Variants in ERG observed in about 807,000 individuals in gnomAD.
The protein encoded by ERG is transcriptional regulator ERG.
ERG carries 9 observed loss-of-function variants against 55.3 expected under a neutral mutation model. That is an observed-to-expected ratio of 0.16 (90% CI 0.10 to 0.28). The LOEUF (loss-of-function observed/expected upper bound fraction) is 0.28. ERG is among the 10% of genes least tolerant of loss of function. The pLI, the probability that ERG is intolerant of heterozygous loss-of-function variation, is 1.00. For synonymous variants in ERG, 223 were observed against 237.3 expected (o/e 0.94, Z 0.55); for missense variants, 434 against 631.6 (o/e 0.69, Z 3.35).
intron 3 of ERG, among the ~76,000 whole-genome samples, chr21:38,409,725 G>T (rs1303920154): frequency 2.6e-5 from 4 of 152,192 alleles, no homozygotes; most frequent in Non-Finnish European, 5.9e-5. Context: ...GAGAAATTTG[G>T]TGTGGCTGCA....
At chr21:38,431,337 GTTAACAGTTT>G (rs1990199804) in intron 2 of ERG, among the ~76,000 whole-genome samples, 1 of 152,160 alleles carries the variant, frequency 6.6e-6, no homozygotes, top group Non-Finnish European at 1.5e-5. Flanking sequence ...GTTTAGCTTC[GTTAACAGTTT>G]TTTAGGGAGG....
At chr21:38,418,949 A>G (rs1190023810) in intron 3 of ERG, among the ~76,000 whole-genome samples, 2 of 131,152 alleles carry the variant, frequency 1.5e-5, no homozygotes, top group Admixed American at 7.5e-5. Flanking sequence ...AAAAAAAAAA[A>G]AGAAAGAAAG....
In ERG at chr21:38,380,431, AT is replaced by A; in HGVS notation, c.*2971del. On this transcript the variant is annotated 3_prime_UTR_variant, in exon 10 of 10. Transcript: ENST00000288319. Reference sequence around the variant, plus strand: ...GAACAAAAACACAGTCTTGACTGTGATTTGGTGATTTTACCACATACAAGGC... The same window carrying A: ...GAACAAAAACACAGTCTTGACTGTGATTGGTGATTTTACCACATACAAGGC... 1 of 1,063,710 alleles carries A rather than the reference AT, an allele frequency of 9.4e-7. No homozygotes were observed. Among genetic ancestry groups the A allele is most frequent in the Non-Finnish European group, 1.1e-6 (1 of 878,278 alleles). 65.9% of individuals were successfully genotyped at this position (1,063,710 alleles called of 1,614,324 possible).
intron 1 of ERG, among the ~76,000 whole-genome samples, chr21:38,625,994 C>T (rs2060322457): frequency 6.9e-6 from 1 of 144,166 alleles, no homozygotes; most frequent in Non-Finnish European, 1.5e-5. Context: ...GTGATCTCGG[C>T]TCACTACAAC....
At chr21:38,580,487 T>A (rs2060022146) in intron 1 of ERG, among the ~76,000 whole-genome samples, 1 of 152,252 alleles carries the variant, frequency 6.6e-6, no homozygotes, top group African/African-American at 2.4e-5. Context: ...TACCTGCCTT[T>A]GAACCCTTGC....
chr21:38,616,134 TCA>T (rs896807665), intron 1 of ERG, among the ~76,000 whole-genome samples: 11 of 152,138 alleles, frequency 7.2e-5, no homozygotes, highest in Non-Finnish European at 1.6e-4. Flanking sequence ...AGTTCCTCCT[TCA>T]CACACTCTCC....
At chr21:38,604,813 A>C (rs1319677524) in intron 1 of ERG, among the ~76,000 whole-genome samples, 1 of 152,236 alleles carries the variant, frequency 6.6e-6, no homozygotes, top group Non-Finnish European at 1.5e-5. Flanking sequence ...AATAGAAGCA[A>C]CTTAAAAATC....
At chr21:38,488,090 A>C (rs1235303331) in intron 1 of ERG, among the ~76,000 whole-genome samples, 1 of 152,170 alleles carries the variant, frequency 6.6e-6, no homozygotes, top group Admixed American at 6.5e-5. Context: ...GCTCTGTTAG[A>C]TACTGCCTTC....
chr21:38,380,224 T>C lies in ERG; in HGVS notation c.*3179A>G. The C allele has an allele frequency of 9.5e-7, 1 of 1,052,732 alleles. No homozygotes were observed. The highest frequency in any genetic ancestry group is 1.1e-6 in the Non-Finnish European group (1 of 871,378). The allele number at this position is 1,052,732 out of a possible 1,614,324, so 65.2% of individuals were successfully genotyped here. On this transcript the variant is annotated 3_prime_UTR_variant, in exon 10 of 10. Coordinates refer to ENST00000288319, the MANE Select transcript of ERG (RefSeq NM_182918.4). ...CCCTGTGCCCCATCACCTTCCCAGC[T>C]CCTGAGCTGTAGCCATCTCTGCTGC...
intron 2 of ERG, among the ~76,000 whole-genome samples, chr21:38,518,072 A>C (rs2059565275): frequency 6.6e-6 from 1 of 152,164 alleles, no homozygotes; most frequent in Non-Finnish European, 1.5e-5. Context: ...ACAAAAATGT[A>C]TTGTATAGTT....
chr21:38,642,654 A>T (rs1377566434), intron 1 of ERG, among the ~76,000 whole-genome samples: 1 of 152,166 alleles, frequency 6.6e-6, no homozygotes, highest in Non-Finnish European at 1.5e-5. Flanking sequence ...ACACCCACTG[A>T]TCTTCCAAGT....
At chr21:38,464,817 T>C (rs1048927159) in intron 1 of ERG, among the ~76,000 whole-genome samples, 3 of 152,134 alleles carry the variant, frequency 2.0e-5, no homozygotes, top group African/African-American at 7.2e-5. Context: ...ATGTGGTGTT[T>C]GGTTTTCTGT....
At chr21:38,397,546 C>T (rs1372922815) in intron 6 of ERG, among the ~76,000 whole-genome samples, 16 of 139,186 alleles carry the variant, frequency 1.1e-4, no homozygotes, top group African/African-American at 2.9e-4. Context: ...TGTGGTGAGC[C>T]GAGATTGCAC....
intron 1 of ERG, among the ~76,000 whole-genome samples, chr21:38,454,740 A>G (rs946913636): frequency 1.3e-5 from 2 of 152,236 alleles, no homozygotes; most frequent in African/African-American, 4.8e-5. Context: ...ATATTATTCT[A>G]ACAAGCCAGA....
At chr21:38,517,103 A>G (rs1191355055) in intron 2 of ERG, among the ~76,000 whole-genome samples, 1 of 152,128 alleles carries the variant, frequency 6.6e-6, no homozygotes, top group East Asian at 1.9e-4. Context: ...GAGAAAACAG[A>G]CAAATGAGAC....
chr21:38,478,504 G>A (rs556634174), intron 1 of ERG, among the ~76,000 whole-genome samples: 3 of 152,248 alleles, frequency 2.0e-5, no homozygotes, highest in East Asian at 3.9e-4. Flanking sequence ...ATGGGCACGT[G>A]AGCTGACCAG....
chr21:38,466,439 A>G (rs2059091169), intron 1 of ERG, among the ~76,000 whole-genome samples: 1 of 152,014 alleles, frequency 6.6e-6, no homozygotes, highest in Non-Finnish European at 1.5e-5. Flanking sequence ...GCACACTGGA[A>G]TATGATTTTA....
chr21:38,501,519 C>T (rs2059420951), upstream of ERG, among the ~76,000 whole-genome samples: 1 of 152,156 alleles, frequency 6.6e-6, no homozygotes, highest in Non-Finnish European at 1.5e-5. Context: ...CCTACACCAC[C>T]CAGCAGCCTA....
chr21:38,647,025 TG>T (rs1465044873), intron 1 of ERG, among the ~76,000 whole-genome samples: 1 of 152,222 alleles, frequency 6.6e-6, no homozygotes, highest in Non-Finnish European at 1.5e-5. Flanking sequence ...TACTGGTTTT[TG>T]CAACCTTCTG....
Sources: allele counts gnomAD v4.1 joint callset (sites outside exome capture counted in the v4.1 genomes callset), GRCh38; gene constraint gnomAD v4.1.1; transcripts MANE v1.5; gene names NCBI Gene and HGNC (gene_info 2026-07-23, HGNC 2026-07-21).